The following SDK2 variants were observed in gnomAD, a reference collection of about 807,000 sequenced individuals.
SDK2 encodes protein sidekick-2.
SDK2 carries 105 observed loss-of-function variants against 253.9 expected under a neutral mutation model. That is an observed-to-expected ratio of 0.41 (90% confidence interval 0.35 to 0.49). SDK2 has a LOEUF of 0.49. Ranked by LOEUF, SDK2 falls within the 20% of genes least tolerant of loss-of-function variation. SDK2 has a pLI of 0.06. For synonymous variants in SDK2, 1,249 were observed against 1,234.9 expected (o/e 1.01, Z -0.24); for missense variants, 2,608 against 3,003.0 (o/e 0.87, Z 3.07).
intron 1 of SDK2, among the ~76,000 whole-genome samples, chr17:73,630,644 C>G (rs993773612): frequency 6.6e-6 from 1 of 152,184 alleles, no homozygotes; most frequent in Non-Finnish European, 1.5e-5. Flanking sequence ...AATCCCTAAA[C>G]CCTGGGGCTG....
chr17:73,555,423 C>T (rs2045128155), intron 1 of SDK2, among the ~76,000 whole-genome samples: 1 of 152,188 alleles, frequency 6.6e-6, no homozygotes, highest in African/African-American at 2.4e-5. Context: ...GTGCACTGGA[C>T]CTTGGACTCC....
At chr17:73,509,296 C>T (rs764199863) in intron 1 of SDK2, among the ~76,000 whole-genome samples, 1 of 152,208 alleles carries the variant, frequency 6.6e-6, no homozygotes, top group East Asian at 1.9e-4. Context: ...AATGCTGGCT[C>T]TGTGCCCGGC....
Position 73,385,910 on chromosome 17 carries a change from A to C in SDK2, c.4506T>G (p.Asp1502Glu). ...TCACGGAGAGGATGGTGGGTGCTTC[A>C]TCGGGGGCTGTGGAGAGAAGCAGAC... ...ESLTTLQAAP[D>E]EAPTILSVTP... is the part of the protein sequence containing the mutation. The change falls in exon 32 of 45, where the codon GAT (aspartate) becomes GAG (glutamate). Residue 1502 changes from aspartate (D) to glutamate (E), a missense_variant. Physicochemically the swap from Asp to Glu is conservative, Grantham distance 45 (BLOSUM62 2). Around this residue, in one of 2 missense-constraint regions of SDK2, gnomAD observed 1,103 missense variants for 1,143.9 expected, o/e 0.96. Coordinates refer to ENST00000392650, the MANE Select transcript of SDK2 (RefSeq NM_001144952.2). 4 of 1,604,416 alleles carry C rather than the reference A, an allele frequency of 2.5e-6. No homozygotes were observed. Among genetic ancestry groups the C allele is most frequent in the African/African-American group, 1.3e-5 (1 of 74,918 alleles).
At chr17:73,514,364 C>G (rs1391144181) in intron 1 of SDK2, among the ~76,000 whole-genome samples, 2 of 152,180 alleles carry the variant, frequency 1.3e-5, no homozygotes, top group African/African-American at 4.8e-5. Context: ...CATTGTCCTC[C>G]CTAGGCTCCA....
chr17:73,401,870 C>T, intron 19 of SDK2, 76 bp downstream of exon 19: 2 of 1,398,426 alleles, frequency 1.4e-6, no homozygotes, highest in Non-Finnish European at 2.0e-6. Context: ...CAAGCCTGGG[C>T]CACCCTTCTG....
intron 1 of SDK2, among the ~76,000 whole-genome samples, chr17:73,560,779 T>A (rs550845987): frequency 1.3e-5 from 2 of 152,294 alleles, no homozygotes; most frequent in African/African-American, 4.8e-5. Context: ...CACACCCTGC[T>A]TACAGGGCTA....
At position 73,473,220 on chromosome 17, in the gene SDK2, T is replaced by C. The variant is rs371806464; in HGVS notation, c.225-1002A>G. On this transcript the variant is annotated intron_variant, in intron 2 of 44. Transcript: ENST00000392650. Reference sequence around the variant, plus strand: ...ACCCACAGAGCAGCAGACTCTGGCATTGGGGGGCAGGCGGCTGGGAGCAGG... The same window carrying C: ...ACCCACAGAGCAGCAGACTCTGGCACTGGGGGGCAGGCGGCTGGGAGCAGG... Among the ~76,000 whole-genome samples the C allele has an allele frequency of 7.2e-5, 11 of 152,234 alleles. 2 individuals are homozygous for C. Among genetic ancestry groups the C allele is most frequent in the African/African-American group, 7.2e-5 (3 of 41,538 alleles).
intron 1 of SDK2, among the ~76,000 whole-genome samples, chr17:73,537,760 C>T (rs2044802373): frequency 6.6e-6 from 1 of 152,176 alleles, no homozygotes. Context: ...TGGTGCATCT[C>T]CCGGCTGCAT....
chr17:73,569,771 A>G (rs775921925), intron 1 of SDK2, among the ~76,000 whole-genome samples: 15 of 151,880 alleles, frequency 9.9e-5, no homozygotes, highest in Non-Finnish European at 1.9e-4. Flanking sequence ...TCCCACTCAC[A>G]TTGGTAGATG....
chr17:73,449,845 C>A (rs944702231), intron 4 of SDK2, among the ~76,000 whole-genome samples: 2 of 152,030 alleles, frequency 1.3e-5, no homozygotes, highest in Non-Finnish European at 2.9e-5. Flanking sequence ...ATCGCTTGAA[C>A]CTGGGAGGCA....
At chr17:73,357,254 A>T (rs889422361) in intron 40 of SDK2, 1 of 152,432 alleles carries the variant, frequency 6.6e-6, no homozygotes, top group African/African-American at 2.4e-5. Context: ...CGAAGTATTA[A>T]CAATTCATCA....
At chr17:73,458,101 C>G (rs899816976) in intron 3 of SDK2, among the ~76,000 whole-genome samples, 2 of 152,328 alleles carry the variant, frequency 1.3e-5, no homozygotes, top group African/African-American at 4.8e-5. Flanking sequence ...GCCTCAGCCT[C>G]CTGAGTAGCT....
intron 1 of SDK2, among the ~76,000 whole-genome samples, chr17:73,617,384 C>T (rs2046074932): frequency 6.6e-6 from 1 of 151,972 alleles, no homozygotes; most frequent in African/African-American, 2.4e-5. Flanking sequence ...CAATGCTTCT[C>T]TTTCTAGGAT....
rs140225167 is a variant in SDK2, at chr17:73,497,431, C to G, written c.224+10007G>C. Reference sequence around the variant, plus strand: ...ATTCTCTCATCCTGCCATGTCAACACCAGTGAGTCCTAAATTAATATCTTC... The same window carrying G: ...ATTCTCTCATCCTGCCATGTCAACAGCAGTGAGTCCTAAATTAATATCTTC... On this transcript the variant is annotated intron_variant, in intron 2 of 44. Transcript: ENST00000392650. Among the ~76,000 whole-genome samples the G allele has an allele frequency of 3.6e-3, 541 of 152,308 alleles. 1 individual carries two copies. The highest frequency in any genetic ancestry group is 0.011 in the African/African-American group (470 of 41,560).
intron 2 of SDK2, among the ~76,000 whole-genome samples, chr17:73,488,664 CT>C (rs2145725208): frequency 6.6e-6 from 1 of 152,158 alleles, no homozygotes; most frequent in East Asian, 1.9e-4. Flanking sequence ...AGCTGCACCC[CT>C]TCTGACACCC....
intron 1 of SDK2, among the ~76,000 whole-genome samples, chr17:73,640,833 C>A (rs1225965803): frequency 6.6e-6 from 1 of 152,186 alleles, no homozygotes; most frequent in African/African-American, 2.4e-5. Flanking sequence ...TCCCCCCAGG[C>A]ATGATTCTCT....
intron 1 of SDK2, among the ~76,000 whole-genome samples, chr17:73,512,093 G>T (rs1254605829): frequency 6.6e-6 from 1 of 152,138 alleles, no homozygotes; most frequent in Admixed American, 6.5e-5. Flanking sequence ...TTTATGTGCA[G>T]GGACAGATTT....
chr17:73,361,718 C>T lies in SDK2; in HGVS notation c.5433G>A (p.Glu1811=). Residue 1811 remains glutamate (E), a synonymous_variant, in exon 39 of 45, where the codon GAG becomes GAA. Coordinates refer to ENST00000392650, the MANE Select transcript of SDK2 (RefSeq NM_001144952.2). The surrounding 1 kb of genome is among the most constrained non-coding windows in gnomAD (Gnocchi z 4.1). ...GGCCCGTGGTGACGTTGGCTTCGATCTCCGGCCCGTAGGTGAAGGTCTTGG... is the reference window on the plus strand; with the variant it reads ...GGCCCGTGGTGACGTTGGCTTCGATTTCCGGCCCGTAGGTGAAGGTCTTGG... ...IRAKTFTYGP[E]IEANVTTGPG... is the part of the protein sequence containing the mutation. 1.2e-5 allele frequency: 19 copies of T among 1,612,762 alleles called. No individual in the cohort carries two copies. Among genetic ancestry groups the T allele is most frequent in the Non-Finnish European group, 1.6e-5 (19 of 1,178,856 alleles).
chr17:73,485,954 C>T (rs535835904), intron 2 of SDK2, among the ~76,000 whole-genome samples: 1 of 152,322 alleles, frequency 6.6e-6, no homozygotes, highest in South Asian at 2.1e-4. Flanking sequence ...GGAGAGGGAA[C>T]TGGAGTTGGT....
Sources: allele counts gnomAD v4.1 joint callset (sites outside exome capture counted in the v4.1 genomes callset), GRCh38; gene constraint gnomAD v4.1.1; regional missense constraint gnomAD v4.1.1; non-coding constraint Gnocchi (gnomAD v3.1); transcripts MANE v1.5; gene names NCBI Gene and HGNC (gene_info 2026-07-23, HGNC 2026-07-21).